ADK: variants seen among roughly 807,000 people sequenced by gnomAD.
ADK encodes adenosine kinase.
In ADK, 24 loss-of-function variants were observed where a neutral mutation model predicts 44.7. That is an observed-to-expected ratio of 0.54 (90% CI 0.39 to 0.76). ADK has a LOEUF of 0.76. ADK is among the 30% of genes least tolerant of loss of function. The pLI is 0.00. For synonymous variants in ADK, 128 were observed against 142.6 expected (o/e 0.90, Z 0.73); for missense variants, 321 against 425.1 (o/e 0.76, Z 2.15).
At chr10:74,340,596 ATATT>A (rs1170320719) in intron 4 of ADK, among the ~76,000 whole-genome samples, 2 of 152,192 alleles carry the variant, frequency 1.3e-5, no homozygotes, top group Non-Finnish European at 2.9e-5. Context: ...CAGTGTATAT[ATATT>A]ATGTGTTTAT....
chr10:74,480,688 C>T (rs1425961382), intron 6 of ADK, among the ~76,000 whole-genome samples: 1 of 152,034 alleles, frequency 6.6e-6, no homozygotes, highest in Non-Finnish European at 1.5e-5. Flanking sequence ...ATAATTTTAC[C>T]AGGATGTGTC....
chr10:74,550,209 C>T (rs375142758), intron 7 of ADK, among the ~76,000 whole-genome samples: 176 of 151,672 alleles, frequency 1.2e-3, no homozygotes, highest in South Asian at 6.7e-3. Flanking sequence ...TAGCTGGGAT[C>T]ACAGGCATCC....
At chr10:74,314,556 C>T (rs946958620) in intron 3 of ADK, 111 bp from the exon 4 acceptor site, 1 of 704,574 alleles carries the variant, frequency 1.4e-6, no homozygotes, top group East Asian at 2.7e-5. Context: ...CATACTTAAA[C>T]AATAAAAACA....
intron 3 of ADK, among the ~76,000 whole-genome samples, chr10:74,245,768 T>A (rs1394633324): frequency 6.6e-6 from 1 of 152,012 alleles, no homozygotes; most frequent in African/African-American, 2.4e-5. Flanking sequence ...TTTTTGTAAT[T>A]TTAGTAGAGA....
intron 4 of ADK, among the ~76,000 whole-genome samples, chr10:74,389,977 CTT>C (rs1184438806): frequency 1.3e-5 from 2 of 151,972 alleles, no homozygotes; most frequent in East Asian, 3.8e-4. Flanking sequence ...ATAATAATGA[CTT>C]TATTTTCACT....
At chr10:74,289,695 T>C (rs1456035539) in intron 3 of ADK, among the ~76,000 whole-genome samples, 2 of 152,114 alleles carry the variant, frequency 1.3e-5, no homozygotes, top group Admixed American at 6.6e-5. Flanking sequence ...AGTGGCACTA[T>C]GTTTTTGAAA....
intron 9 of ADK, among the ~76,000 whole-genome samples, chr10:74,642,763 C>T (rs1174446566): frequency 6.7e-6 from 1 of 149,580 alleles, no homozygotes; most frequent in Non-Finnish European, 1.5e-5. Flanking sequence ...TCTTTCAAAA[C>T]TTATTCTCCT....
intron 6 of ADK, among the ~76,000 whole-genome samples, chr10:74,411,536 T>G (rs921817778): frequency 6.6e-6 from 1 of 152,242 alleles, no homozygotes; most frequent in African/African-American, 2.4e-5. Context: ...AAACATACTT[T>G]AATTAAAAAT....
chr10:74,426,368 G>T (rs1266422654), intron 6 of ADK, among the ~76,000 whole-genome samples: 2 of 152,160 alleles, frequency 1.3e-5, no homozygotes, highest in Admixed American at 1.3e-4. Flanking sequence ...TAAATGACCA[G>T]TTCTAGAAGA....
At chr10:74,417,539 C>T (rs1844415344) in intron 6 of ADK, among the ~76,000 whole-genome samples, 1 of 152,046 alleles carries the variant, frequency 6.6e-6, no homozygotes, top group African/African-American at 2.4e-5. Context: ...TTCACAGATG[C>T]TTCCATAATT....
chr10:74,480,908 A>G (rs568229686), intron 6 of ADK, among the ~76,000 whole-genome samples: 11 of 151,914 alleles, frequency 7.2e-5, no homozygotes, highest in African/African-American at 2.7e-4. Flanking sequence ...CCATTGCGTT[A>G]TTTTTTCCTC....
At position 74,472,006 on chromosome 10, in the gene ADK, C is replaced by T. The variant is rs909543326; in HGVS notation, c.556-53250C>T. 5.3e-5 allele frequency among the ~76,000 whole-genome samples: 8 copies of T among 151,918 alleles called. No homozygotes were observed. In the East Asian group the frequency reaches 1.5e-3, roughly 29 times the overall value. The stretch of plus-strand genomic sequence containing the variant: ...TTGTATGCCTCCTATTTCCTCTTTC[C>T]TTTCTTTCTTTCTTTAGCTGACTGC... On this transcript the variant is annotated intron_variant, in intron 6 of 10. Coordinates refer to ENST00000539909, the MANE Select transcript of ADK (RefSeq NM_006721.4).
At chr10:74,279,591 A>G (rs1255794977) in intron 3 of ADK, among the ~76,000 whole-genome samples, 1 of 152,130 alleles carries the variant, frequency 6.6e-6, no homozygotes, top group African/African-American at 2.4e-5. Context: ...AAAAAAAAAA[A>G]AAAATTGAGT....
chr10:74,568,946 G>GC (rs1423876529), intron 7 of ADK, among the ~76,000 whole-genome samples: 2 of 123,450 alleles, frequency 1.6e-5, no homozygotes, highest in African/African-American at 6.3e-5. Flanking sequence ...CCCACAACAG[G>GC]CCCCGGTGTG....
intron 1 of ADK, among the ~76,000 whole-genome samples, chr10:74,161,138 A>C (rs1304020107): frequency 6.6e-6 from 1 of 152,226 alleles, no homozygotes; most frequent in East Asian, 1.9e-4. Context: ...AATAACTCTT[A>C]GTGCCTCATA....
intron 6 of ADK, among the ~76,000 whole-genome samples, chr10:74,505,746 A>G (rs1176340619): frequency 6.6e-6 from 1 of 152,078 alleles, no homozygotes; most frequent in Non-Finnish European, 1.5e-5. Flanking sequence ...GTCTACTTCC[A>G]TAGCATTGAC....
intron 3 of ADK, among the ~76,000 whole-genome samples, chr10:74,308,241 G>T (rs964211419): frequency 2.0e-5 from 3 of 151,950 alleles, no homozygotes; most frequent in African/African-American, 7.3e-5. Flanking sequence ...TTGAATAAGG[G>T]CTTATCTAAG....
intron 3 of ADK, among the ~76,000 whole-genome samples, chr10:74,302,105 G>GTTTT (rs1840065150): frequency 6.7e-5 from 6 of 88,932 alleles, no homozygotes; most frequent in African/African-American, 2.1e-4. Flanking sequence ...TTTTTTGTTT[G>GTTTT]TTTGTTTTTT....
chr10:74,578,931 CCAT>C (rs1195338990), intron 7 of ADK, among the ~76,000 whole-genome samples: 1 of 152,042 alleles, frequency 6.6e-6, no homozygotes, highest in African/African-American at 2.4e-5. Flanking sequence ...ATCTTAGCCA[CCAT>C]ATTTTTACAT....
Sources: gnomAD v4.1 joint callset for allele counts (sites outside exome capture counted in the v4.1 genomes callset) on GRCh38, gnomAD v4.1.1 for gene constraint, MANE v1.5 for transcripts, NCBI Gene and HGNC (gene_info 2026-07-23, HGNC 2026-07-21) for gene names.